ABCB6: variants seen among roughly 807,000 people sequenced by gnomAD.
The protein encoded by ABCB6 is ATP binding cassette subfamily B member 6 (LAN blood group), also known as ATP-binding cassette sub-family B member 6.
In ABCB6, 87 loss-of-function variants were observed where a neutral mutation model predicts 99.4. That is an observed-to-expected ratio of 0.88 (90% CI 0.74 to 1.05). The LOEUF is 1.05. ABCB6 is among the 50% of genes least tolerant of loss of function. ABCB6 has a pLI of 0.00. For synonymous variants in ABCB6, 482 were observed against 447.5 expected, an observed-to-expected ratio of 1.08 and a Z score of -0.97; for missense variants, 1,050 against 1,097.9, an observed-to-expected ratio of 0.96 and a Z score of 0.62.
At chr2:219,212,085 G>C (rs1166561476) in intron 14 of ABCB6, among the ~76,000 whole-genome samples, 1 of 151,970 alleles carries the variant, frequency 6.6e-6, no homozygotes, top group Non-Finnish European at 1.5e-5. Flanking sequence ...TTTGTAGAGA[G>C]GGTGTTTTGC....
At chr2:219,214,865 G>A (rs1482151963) in intron 6 of ABCB6, 96 bp downstream of exon 6, 2 of 1,471,006 alleles carry the variant, frequency 1.4e-6, no homozygotes, top group Non-Finnish European at 1.9e-6. Flanking sequence ...CCAATCCACA[G>A]CCTCCCATAG....
Position 219,213,625 on chromosome 2 carries a change from C to T in ABCB6, c.1620G>A (p.Leu540=). The change falls in exon 10 of 19, where the codon CTG becomes CTA. Residue 540 remains leucine, a synonymous_variant. Transcript: ENST00000265316. The part of the protein sequence containing the change: ...YVLFGTYIIQ[L]YMPLNWFGTY... ...TGCCAAACCAATTGAGGGGCATGTA[C>T]AGCTGGATAATGTAGGTGCCAAAGA... The T allele has an allele frequency of 1.2e-6, 2 of 1,614,190 alleles. No homozygotes were observed. Among genetic ancestry groups the T allele is most frequent in the African/African-American group, 1.3e-5 (1 of 75,056 alleles).
chr2:219,215,349 G>A (rs1361971115), intron 5 of ABCB6: 7 of 407,088 alleles, frequency 1.7e-5, no homozygotes, highest in African/African-American at 2.0e-5. Context: ...CTCTGAGAAT[G>A]ATGGCTATGT....
intron 16 of ABCB6, 22 bp downstream of exon 16, chr2:219,210,689 G>C (rs761787737): frequency 1.2e-6 from 2 of 1,613,208 alleles, no homozygotes. Context: ...GCAGGAAGGA[G>C]GGGAGGAGAC....
intron 18 of ABCB6, 36 bp downstream of exon 18, chr2:219,210,194 C>T: frequency 6.2e-7 from 1 of 1,613,620 alleles, no homozygotes; most frequent in Non-Finnish European, 8.5e-7. Context: ...GCCCCCAATT[C>T]AGAAGACCTG....
intron 14 of ABCB6, among the ~76,000 whole-genome samples, chr2:219,211,857 G>A (rs901789333): frequency 3.3e-4 from 49 of 150,516 alleles, no homozygotes; most frequent in African/African-American, 1.2e-3. Flanking sequence ...TCCGCCTCCT[G>A]GGTTCACACC....
At chr2:219,217,308 G>A (rs1314221743) in intron 2 of ABCB6, among the ~76,000 whole-genome samples, 5 of 151,848 alleles carry the variant, frequency 3.3e-5, no homozygotes, top group Admixed American at 6.6e-5. Flanking sequence ...CTGAGATCGC[G>A]CCACTACACT....
At position 219,211,046 on chromosome 2, in the gene ABCB6, A is replaced by T; in HGVS notation, c.2031T>A (p.Asn677Lys). 6.2e-7 allele frequency: 1 copy of T among 1,614,162 alleles called. No individual in the cohort carries two copies. Among genetic ancestry groups the T allele is most frequent in the Non-Finnish European group, 8.5e-7 (1 of 1,180,016 alleles). Residue 677 changes from asparagine to lysine, a missense_variant, in exon 15 of 19, where the codon AAT becomes AAA. Asn to Lys is a moderately conservative substitution (Grantham distance 94). Transcript: ENST00000265316. ...GVVPQDTVLF[N>K]DTIADNIRYG... Reference sequence around the variant, plus strand: ...AACGGATATTGTCGGCGATGGTGTCATTAAAGAGGACAGTGTCTTGGGGCA... The same window carrying T: ...AACGGATATTGTCGGCGATGGTGTCTTTAAAGAGGACAGTGTCTTGGGGCA...
In ABCB6 at chr2:219,210,903, G is replaced by A; in HGVS notation, c.2143+31C>T. 1.9e-6 allele frequency: 3 copies of A among 1,613,796 alleles called. No individual in the cohort carries two copies. In the African/African-American group the frequency reaches 4.0e-5, roughly 22 times the overall value. On this transcript the variant is annotated intron_variant, in intron 15 of 18. Coordinates refer to ENST00000265316, the MANE Select transcript of ABCB6 (RefSeq NM_005689.4). Reference sequence around the variant, plus strand: ...GGATTAGCAGGACAACACCAGGAGGGGAGGGGACTCTCTGCAAAGGAATCT... The same window carrying A: ...GGATTAGCAGGACAACACCAGGAGGAGAGGGGACTCTCTGCAAAGGAATCT...
At chr2:219,211,620 CCTTT>C (rs1559235229) in intron 14 of ABCB6, among the ~76,000 whole-genome samples, 1 of 83,962 alleles carries the variant, frequency 1.2e-5, no homozygotes, top group African/African-American at 4.6e-5. Context: ...TATCGTTGTA[CCTTT>C]TTTTTTTTTT....
At chr2:219,212,272 T>C (rs1312588977) in intron 14 of ABCB6, 115 bp downstream of exon 14, 1 of 796,350 alleles carries the variant, frequency 1.3e-6, no homozygotes, top group Non-Finnish European at 2.1e-6. Context: ...TATATCATGC[T>C]AGAATGGCCC....
Position 219,212,431 on chromosome 2 carries a change from TGTC to T in ABCB6, c.1921_1923del (p.Asp641del), listed in dbSNP as rs774269421. ...TCTATTCGGATGCAGCCAGAGCTGA[TGTC>T]GTAGAAGCGAAACAGCAGGCGCAAA... On this transcript the variant is annotated inframe_deletion, in exon 14 of 19. Transcript: ENST00000265316. 137 of 1,614,056 alleles carry T rather than the reference TGTC, an allele frequency of 8.5e-5. No individual in the cohort carries two copies. The highest frequency in any genetic ancestry group is 1.1e-4 in the Non-Finnish European group (129 of 1,180,036).
Position 219,218,605 on chromosome 2 carries a change from C to G in ABCB6, c.69G>C (p.Leu23=). ...CGAGCGTGAAGAAGAAGCAGGGACTCAGGCCATCCTGCATCCAGGCCGGAC... is the reference window on the plus strand; with the variant it reads ...CGAGCGTGAAGAAGAAGCAGGGACTGAGGCCATCCTGCATCCAGGCCGGAC... The part of the protein sequence containing the change: ...PVGPAWMQDG[L]SPCFFFTLVP... The change falls in exon 1 of 19, where the codon CTG becomes CTC. Residue 23 remains leucine (L), a synonymous_variant. Coordinates refer to ENST00000265316, the MANE Select transcript of ABCB6 (RefSeq NM_005689.4). 1 of 1,612,194 alleles carries G rather than the reference C, an allele frequency of 6.2e-7. No homozygotes were observed. The highest frequency in any genetic ancestry group is 8.5e-7 in the Non-Finnish European group (1 of 1,179,564).
In ABCB6 at chr2:219,216,930, G is replaced by C; in HGVS notation, c.688-98C>G. 9.0e-7 allele frequency: 1 copy of C among 1,109,372 alleles called. No homozygotes were observed. The highest frequency in any genetic ancestry group is 1.7e-5 in the South Asian group (1 of 60,420). 68.7% of individuals were successfully genotyped at this position (1,109,372 alleles called of 1,614,324 possible). A position where few individuals can be genotyped will look rare whatever the true frequency, so the allele number is the denominator to read the frequency against. On this transcript the variant is annotated intron_variant, in intron 2 of 18. Coordinates refer to ENST00000265316, the MANE Select transcript of ABCB6 (RefSeq NM_005689.4). This position sits in a 1 kb window ranked among gnomAD's most constrained non-coding sequence, Gnocchi z 4.2. ...AAAACCTATGGGGTTACAGCTCCCA[G>C]GTATCTCAGACCCACAAGTGATCCT...
intron 5 of ABCB6, 139 bp from the exon 6 acceptor site, chr2:219,215,221 G>A (rs1328905059): frequency 9.1e-7 from 1 of 1,094,644 alleles, no homozygotes; most frequent in African/African-American, 1.6e-5. Context: ...CTCAAGAGGT[G>A]GGTGGCTAAA....
chr2:219,217,995 A>T (rs1950667073), intron 1 of ABCB6, 130 bp downstream of exon 1: 24 of 1,377,270 alleles, frequency 1.7e-5, no homozygotes, highest in Non-Finnish European at 2.3e-5. Flanking sequence ...AGCTCCCGGC[A>T]GGACTCAGCC....
chr2:219,218,862 G>T lies in ABCB6; in HGVS notation c.-189C>A. On this transcript the variant is annotated 5_prime_UTR_variant, in exon 1 of 19. Coordinates refer to ENST00000265316, the MANE Select transcript of ABCB6 (RefSeq NM_005689.4). ...CGCCCACTCCCCTAGCGCACGCGCC[G>T]CCGCCACGCACTCACGCAGGGCACG... is the stretch of plus-strand genomic sequence containing the variant. 1 of 597,696 alleles carries T rather than the reference G, an allele frequency of 1.7e-6. No individual in the cohort carries two copies. The highest frequency in any genetic ancestry group is 2.8e-6 in the Non-Finnish European group (1 of 363,004). The allele number at this position is 597,696 out of a possible 1,614,324, so 37.0% of individuals were successfully genotyped here. A position where few individuals can be genotyped will look rare whatever the true frequency, so the allele number is the denominator to read the frequency against.
At position 219,213,285 on chromosome 2, in the gene ABCB6, C is replaced by T; in HGVS notation, c.1761G>A (p.Lys587=). 1 of 1,614,152 alleles carries T rather than the reference C, an allele frequency of 6.2e-7. No homozygotes were observed. ...GCACGTTCTCAAACTCAATACGGCC[C>T]TTCTGAAAGCGAAGGGGCCCTGCTC... The part of the protein sequence containing the change: ...LPGAGPLRFQ[K]GRIEFENVHF... Residue 587 remains lysine (K), a synonymous_variant, in exon 12 of 19, where the codon AAG becomes AAA. Coordinates refer to ENST00000265316, the MANE Select transcript of ABCB6 (RefSeq NM_005689.4).
In ABCB6 at chr2:219,213,121, T is replaced by G. The variant is rs893583192; in HGVS notation, c.1806-56A>C. Reference sequence around the variant, plus strand: ...CACCTTCCATCACCAGAGCTGCTAGTAGGCCCTGCCCCTCCCCTGCCCAGG... The same window carrying G: ...CACCTTCCATCACCAGAGCTGCTAGGAGGCCCTGCCCCTCCCCTGCCCAGG... On this transcript the variant is annotated intron_variant, in intron 12 of 18. Transcript: ENST00000265316. 6.8e-6 allele frequency: 11 copies of G among 1,606,946 alleles called. No homozygotes were observed. In the Admixed American group the frequency reaches 1.5e-4, roughly 22 times the overall value.
Sources: gnomAD v4.1 joint callset for allele counts (sites outside exome capture counted in the v4.1 genomes callset) on GRCh38, gnomAD v4.1.1 for gene constraint, Gnocchi (gnomAD v3.1) non-coding constraint, MANE v1.5 for transcripts, NCBI Gene and HGNC (gene_info 2026-07-23, HGNC 2026-07-21) for gene names.